The following AOPEP variants were observed in gnomAD, a reference collection of about 807,000 sequenced individuals.
AOPEP encodes aminopeptidase O (putative), also known as aminopeptidase O.
In AOPEP, 77 loss-of-function variants were observed where a neutral mutation model predicts 98.1. The ratio of observed to expected loss-of-function variants is 0.78; its 90% CI spans 0.65 to 0.95. The LOEUF (loss-of-function observed/expected upper bound fraction) is 0.95. AOPEP is among the 40% of genes least tolerant of loss of function. The pLI, the probability that AOPEP is intolerant of heterozygous loss-of-function variation, is 0.00. For missense variants in AOPEP, 1,024 were observed against 1,024.7 expected (o/e 1.00, Z 0.01); for synonymous variants, 346 against 365.3 (o/e 0.95, Z 0.60).
chr9:94,899,748 T>C (rs2050137114), intron 5 of AOPEP, among the ~76,000 whole-genome samples: 1 of 149,836 alleles, frequency 6.7e-6, no homozygotes, highest in African/African-American at 2.5e-5. Context: ...GGACCCTATC[T>C]AAAAAAAAAC....
At chr9:94,745,933 A>G (rs925637865) in intron 1 of AOPEP, among the ~76,000 whole-genome samples, 2 of 152,172 alleles carry the variant, frequency 1.3e-5, no homozygotes, top group Non-Finnish European at 2.9e-5. Context: ...TGATTTTTTG[A>G]GGAACCTCCA....
intron 13 of AOPEP, among the ~76,000 whole-genome samples, chr9:95,043,015 G>C (rs1194974202): frequency 6.6e-6 from 1 of 151,980 alleles, no homozygotes; most frequent in African/African-American, 2.4e-5. Context: ...GCCCATACCT[G>C]TAATGTCAGC....
At chr9:94,923,918 C>T (rs2053949131) in intron 5 of AOPEP, 68 bp from the exon 6 acceptor site, 2 of 1,109,870 alleles carry the variant, frequency 1.8e-6, no homozygotes, top group Admixed American at 4.1e-5. Context: ...AGGAAAGCTG[C>T]CCCATCGGAT....
At chr9:95,018,116 G>C (rs1329919413) in intron 13 of AOPEP, among the ~76,000 whole-genome samples, 1 of 152,202 alleles carries the variant, frequency 6.6e-6, no homozygotes, top group Admixed American at 6.5e-5. Context: ...TCTTTGTGTA[G>C]ACATATGTTT....
chr9:95,088,115 C>T (rs145403373), downstream of AOPEP, among the ~76,000 whole-genome samples: 16 of 152,256 alleles, frequency 1.1e-4, no homozygotes, highest in African/African-American at 3.9e-4. Flanking sequence ...TGGCTCAGAA[C>T]TTGACTGTTA....
intron 10 of AOPEP, among the ~76,000 whole-genome samples, chr9:94,975,334 G>A (rs2138571440): frequency 6.6e-6 from 1 of 152,306 alleles, no homozygotes; most frequent in South Asian, 2.1e-4. Flanking sequence ...CTGGCACACA[G>A]TAGGTGTTCA....
chr9:95,135,526 T>C, the AOPEP span: 6 of 1,610,290 alleles, frequency 3.7e-6, no homozygotes, highest in East Asian at 1.1e-4. Context: ...ATAAACAAAA[T>C]TTTAAACAGA....
chr9:95,081,539 G>A (rs2069777770), intron 15 of AOPEP, among the ~76,000 whole-genome samples: 1 of 152,196 alleles, frequency 6.6e-6, no homozygotes, highest in Non-Finnish European at 1.5e-5. Context: ...TCAGTGTGGG[G>A]GACAGCCAGC....
chr9:95,028,062 C>T (rs1036321558), intron 13 of AOPEP, among the ~76,000 whole-genome samples: 32 of 152,130 alleles, frequency 2.1e-4, no homozygotes, highest in African/African-American at 7.2e-4. Context: ...TATTCTGAAG[C>T]GGGGCATGCA....
At chr9:94,894,592 C>T (rs1476494831) in intron 5 of AOPEP, among the ~76,000 whole-genome samples, 1 of 152,108 alleles carries the variant, frequency 6.6e-6, no homozygotes, top group African/African-American at 2.4e-5. Context: ...AACACCAGAC[C>T]CACAGAGTTT....
At chr9:94,988,912 CTTT>C (rs368515133) in intron 11 of AOPEP, among the ~76,000 whole-genome samples, 4 of 138,814 alleles carry the variant, frequency 2.9e-5, no homozygotes, top group Non-Finnish European at 1.6e-5. Context: ...CTTTTCCTTT[CTTT>C]TTTTTTTTTT....
chr9:94,769,066 A>T (rs193225418), intron 2 of AOPEP, among the ~76,000 whole-genome samples: 1 of 152,330 alleles, frequency 6.6e-6, no homozygotes, highest in Admixed American at 6.5e-5. Context: ...TTGGCCCTCC[A>T]TATAGTTCTC....
At chr9:94,908,331 C>T (rs1478813062) in intron 5 of AOPEP, among the ~76,000 whole-genome samples, 1 of 152,154 alleles carries the variant, frequency 6.6e-6, no homozygotes, top group Non-Finnish European at 1.5e-5. Flanking sequence ...GTGCCAGGAT[C>T]CCATCCCACA....
At chr9:94,902,983 G>T (rs564895091) in intron 5 of AOPEP, among the ~76,000 whole-genome samples, 2 of 58,152 alleles carry the variant, frequency 3.4e-5, no homozygotes, top group South Asian at 9.9e-4. Context: ...GAACCCGAAA[G>T]ATTTTTTTTT....
intron 11 of AOPEP, among the ~76,000 whole-genome samples, chr9:94,984,600 A>G (rs751939945): frequency 1.3e-5 from 2 of 152,226 alleles, no homozygotes; most frequent in Non-Finnish European, 2.9e-5. Context: ...TGTTGAAATG[A>G]TAATATTTTG....
chr9:95,089,273 A>G (rs1382010579), downstream of AOPEP, among the ~76,000 whole-genome samples: 1 of 152,210 alleles, frequency 6.6e-6, no homozygotes, highest in African/African-American at 2.4e-5. Flanking sequence ...TTTTAAGTGA[A>G]GTATCACATC....
chr9:94,976,538 TCTTC>T (rs761411410), intron 10 of AOPEP, among the ~76,000 whole-genome samples: 2 of 152,234 alleles, frequency 1.3e-5, no homozygotes, highest in Non-Finnish European at 2.9e-5. Flanking sequence ...CCTTGTGGGC[TCTTC>T]CCCTTTTGAT....
At chr9:94,846,496 G>T (rs1272228587) in intron 5 of AOPEP, among the ~76,000 whole-genome samples, 1 of 152,234 alleles carries the variant, frequency 6.6e-6, no homozygotes, top group Admixed American at 6.5e-5. Flanking sequence ...GAGTCCTACT[G>T]TAAAATTAAA....
intron 7 of AOPEP, among the ~76,000 whole-genome samples, chr9:94,936,983 T>G (rs1445807477): frequency 1.3e-5 from 2 of 152,240 alleles, no homozygotes; most frequent in Admixed American, 6.5e-5. Context: ...CCCCTTTCCC[T>G]GCGTTCAGCT....
Sources: gnomAD v4.1 joint callset for allele counts (sites outside exome capture counted in the v4.1 genomes callset) on GRCh38, gnomAD v4.1.1 for gene constraint, MANE v1.5 for transcripts, NCBI Gene and HGNC (gene_info 2026-07-23, HGNC 2026-07-21) for gene names.